TERB1: variants seen among roughly 807,000 people sequenced by gnomAD.
TERB1 encodes telomere repeat binding bouquet formation protein 1.
A neutral mutation model predicts 92.3 loss-of-function variants in TERB1; 63 were observed. The ratio of observed to expected loss-of-function variants is 0.68; its 90% CI spans 0.56 to 0.84. The LOEUF (loss-of-function observed/expected upper bound fraction) is 0.84. Ranked by LOEUF, TERB1 falls within the 40% of genes least tolerant of loss-of-function variation. The probability of loss-of-function intolerance (pLI) is 0.00; values close to 1 mark genes in which losing one functional copy is unlikely to be tolerated. For missense variants in TERB1, 709 were observed against 843.7 expected (o/e 0.84, Z 1.98); for synonymous variants, 252 against 283.9 (o/e 0.89, Z 1.13).
At chr16:66,782,933 A>G (rs1177723949) in intron 9 of TERB1, among the ~76,000 whole-genome samples, 2 of 152,118 alleles carry the variant, frequency 1.3e-5, no homozygotes, top group Admixed American at 6.5e-5. Context: ...TAGCACAATC[A>G]TAACTCACTG....
intron 3 of TERB1, among the ~76,000 whole-genome samples, 178 bp downstream of exon 3, chr16:66,796,590 T>C (rs1597029121): frequency 6.6e-6 from 1 of 152,348 alleles, no homozygotes; most frequent in East Asian, 1.9e-4. Flanking sequence ...AGTATGTCTT[T>C]TCCCATTAGA....
At chr16:66,785,723 C>T (rs986398074) in intron 9 of TERB1, 63 bp downstream of exon 9, 20 of 1,391,592 alleles carry the variant, frequency 1.4e-5, no homozygotes, top group East Asian at 5.2e-5. Context: ...TAAATTCAAT[C>T]GTTTTTATTA....
In TERB1 at chr16:66,755,147, G is replaced by A. The variant is rs2018115917; in HGVS notation, c.2013C>T (p.Arg671=). 1.9e-6 allele frequency: 3 copies of A among 1,539,002 alleles called. No homozygotes were observed. ...TTACTTCTTCTTCAGTAAAGTTTTT[G>A]CGAATTCTTCTTTTTTCTATAATTA... The part of the protein sequence containing the change: ...TPGGIKKRRI[R]KNFTEEEVNY... Residue 671 remains arginine (R), a synonymous_variant, in exon 19 of 19, where the codon CGC becomes CGT. Transcript: ENST00000433154.
At position 66,770,015 on chromosome 16, in the gene TERB1, G is replaced by T. The variant is rs1376727314; in HGVS notation, c.1567C>A (p.Gln523Lys). ...AAAGTAGTTTCTTCATGTAAGTTTTGATTGCAGCTTGACTTGGCTTTATAT... is the reference window on the plus strand; with the variant it reads ...AAAGTAGTTTCTTCATGTAAGTTTTTATTGCAGCTTGACTTGGCTTTATAT... ...TLYKAKSSCNQNLHEETTFEK... is the reference protein window; with the variant it reads ...TLYKAKSSCNKNLHEETTFEK... Residue 523 changes from glutamine (Q) to lysine (K), a missense_variant, in exon 14 of 19, where the codon CAA becomes AAA. By Grantham distance (53) the Gln-to-Lys change is moderately conservative. Coordinates refer to ENST00000433154, the MANE Select transcript of TERB1 (RefSeq NM_001136505.2). 1.3e-6 allele frequency: 2 copies of T among 1,551,536 alleles called. No individual in the cohort carries two copies. The highest frequency in any genetic ancestry group is 2.4e-5 in the East Asian group (1 of 40,916).
In TERB1 at chr16:66,779,701, C is replaced by G. The variant is rs553589450; in HGVS notation, c.701-686G>C. 2.6e-5 allele frequency among the ~76,000 whole-genome samples: 4 copies of G among 152,290 alleles called. No homozygotes were observed. In the South Asian group the frequency reaches 8.3e-4, roughly 32 times the overall value. On this transcript the variant is annotated intron_variant, in intron 9 of 18. Transcript: ENST00000433154. ...TAGAGTTATAAAGAATATATTCATT[C>G]ATTTATCTTGGTAATTAGCAAGCTG...
At chr16:66,790,050 A>C (rs1375055323) in intron 5 of TERB1, among the ~76,000 whole-genome samples, 1 of 152,114 alleles carries the variant, frequency 6.6e-6, no homozygotes, top group Non-Finnish European at 1.5e-5. Flanking sequence ...TAAGAATATA[A>C]AGTTGGTCTG....
intron 3 of TERB1, among the ~76,000 whole-genome samples, chr16:66,792,807 A>G (rs1488367149): frequency 6.6e-6 from 1 of 152,152 alleles, no homozygotes; most frequent in East Asian, 1.9e-4. Context: ...TTGTAATACA[A>G]TGGCAAATTT....
At chr16:66,775,004 C>T in intron 12 of TERB1, 114 bp downstream of exon 12, 1 of 1,176,478 alleles carries the variant, frequency 8.5e-7, no homozygotes, top group Non-Finnish European at 1.2e-6. Flanking sequence ...GCCTAGTCTG[C>T]TTTTCAAATG....
intron 16 of TERB1, among the ~76,000 whole-genome samples, chr16:66,761,451 C>CA (rs376145995): frequency 0.47 from 50,214 of 107,072 alleles, 12,212 homozygotes; most frequent in Non-Finnish European, 0.53. Flanking sequence ...GACTCTGTCT[C>CA]AAAAAAAAAA....
chr16:66,768,523 CA>C (rs2018388556), intron 14 of TERB1, among the ~76,000 whole-genome samples: 1 of 152,192 alleles, frequency 6.6e-6, no homozygotes, highest in South Asian at 2.1e-4. Context: ...GTGCTAACAA[CA>C]ATCATTTAAA....
At chr16:66,774,448 G>T (rs1200834084) in intron 12 of TERB1, among the ~76,000 whole-genome samples, 3 of 151,988 alleles carry the variant, frequency 2.0e-5, no homozygotes, top group African/African-American at 7.3e-5. Context: ...GCCTCCCAAA[G>T]TGCTGGGATT....
intron 2 of TERB1, among the ~76,000 whole-genome samples, chr16:66,799,833 A>G (rs1337805653): frequency 1.3e-5 from 2 of 152,192 alleles, no homozygotes; most frequent in African/African-American, 4.8e-5. Flanking sequence ...GCAGATTATG[A>G]AGTGCTTTTA....
intron 10 of TERB1, among the ~76,000 whole-genome samples, chr16:66,778,494 T>C (rs999872507): frequency 6.6e-6 from 1 of 152,128 alleles, no homozygotes; most frequent in African/African-American, 2.4e-5. Context: ...GCTCCCTCAC[T>C]GCAACCTCCA....
At chr16:66,766,634 G>A (rs773927270) in intron 16 of TERB1, among the ~76,000 whole-genome samples, 1 of 152,176 alleles carries the variant, frequency 6.6e-6, no homozygotes, top group Non-Finnish European at 1.5e-5. Flanking sequence ...TGCATACCTA[G>A]TAATAACGGC....
At chr16:66,763,255 G>A (rs375121958) in intron 16 of TERB1, among the ~76,000 whole-genome samples, 8 of 151,878 alleles carry the variant, frequency 5.3e-5, no homozygotes, top group African/African-American at 1.5e-4. Flanking sequence ...ACAGACACAC[G>A]CACCACTGTG....
chr16:66,798,295 T>C (rs1366943163), intron 2 of TERB1, among the ~76,000 whole-genome samples: 1 of 151,814 alleles, frequency 6.6e-6, no homozygotes, highest in Non-Finnish European at 1.5e-5. Flanking sequence ...TCCTCCTGCC[T>C]CAGCATTCCG....
chr16:66,771,862 T>C (rs1460777547), intron 13 of TERB1, among the ~76,000 whole-genome samples: 1 of 152,340 alleles, frequency 6.6e-6, no homozygotes, highest in East Asian at 1.9e-4. Context: ...TATGTTTTGA[T>C]TTTTTAACAC....
At chr16:66,772,413 C>T (rs1471904039) in intron 13 of TERB1, among the ~76,000 whole-genome samples, 176 bp downstream of exon 13, 21 of 152,020 alleles carry the variant, frequency 1.4e-4, no homozygotes, top group Middle Eastern at 3.2e-3. Flanking sequence ...ACTTGGGAGG[C>T]GGAGGTTGCA....
At chr16:66,784,748 ATTTTTTTTTTTT>A (rs34949570) in intron 9 of TERB1, among the ~76,000 whole-genome samples, 2 of 117,606 alleles carry the variant, frequency 1.7e-5, no homozygotes, top group African/African-American at 6.9e-5. Context: ...TTAATTTTTA[ATTTTTTTTTTTT>A]TTTTTTTTGA....
Sources: allele counts gnomAD v4.1 joint callset (sites outside exome capture counted in the v4.1 genomes callset), GRCh38; gene constraint gnomAD v4.1.1; transcripts MANE v1.5; gene names NCBI Gene and HGNC (gene_info 2026-07-23, HGNC 2026-07-21).